The following RGS7 variants were observed in gnomAD, a reference collection of about 807,000 sequenced individuals.
RGS7 encodes the protein regulator of G-protein signaling 7.
In RGS7, 27 loss-of-function variants were observed where a neutral mutation model predicts 81.1. The observed-to-expected ratio is 0.33, with a 90% confidence interval of 0.25 to 0.46. RGS7 has a LOEUF of 0.46. Ranked by LOEUF, RGS7 falls within the 20% of genes least tolerant of loss-of-function variation. The pLI, the probability that RGS7 is intolerant of heterozygous loss-of-function variation, is 1.00. For missense variants in RGS7, 396 were observed against 607.4 expected, an observed-to-expected ratio of 0.65 and a Z score of 3.66; for synonymous variants, 208 against 207.7, an observed-to-expected ratio of 1.00 and a Z score of -0.01.
chr1:240,843,722 C>T (rs1422343599), intron 9 of RGS7, among the ~76,000 whole-genome samples: 1 of 152,106 alleles, frequency 6.6e-6, no homozygotes, highest in Non-Finnish European at 1.5e-5. Context: ...AGAGGATTTG[C>T]TATCTTTTAA....
chr1:241,089,210 C>G (rs1435870747), intron 3 of RGS7, among the ~76,000 whole-genome samples: 1 of 149,242 alleles, frequency 6.7e-6, no homozygotes, highest in African/African-American at 2.5e-5. Context: ...ACCAGAGTTG[C>G]CATGGAAAAG....
intron 4 of RGS7, among the ~76,000 whole-genome samples, chr1:240,981,480 A>G (rs1341152415): frequency 2.0e-5 from 3 of 152,280 alleles, no homozygotes; most frequent in Admixed American, 1.3e-4. Flanking sequence ...GTCTTTGCCA[A>G]TCAGTAGTTT....
intron 2 of RGS7, among the ~76,000 whole-genome samples, chr1:241,245,996 C>T (rs563087563): frequency 2.8e-4 from 42 of 151,806 alleles, no homozygotes; most frequent in African/African-American, 9.2e-4. Context: ...CCCAGCTACT[C>T]GGAAGGCTGA....
At chr1:240,935,258 A>G (rs1676431802) in intron 5 of RGS7, among the ~76,000 whole-genome samples, 1 of 151,882 alleles carries the variant, frequency 6.6e-6, no homozygotes, top group African/African-American at 2.4e-5. Context: ...TGTCTACTAC[A>G]TTTTCTGGGA....
chr1:240,860,060 C>A (rs1203621083), intron 9 of RGS7, among the ~76,000 whole-genome samples: 1 of 152,278 alleles, frequency 6.6e-6, no homozygotes, highest in East Asian at 1.9e-4. Flanking sequence ...GGTCTGAGAA[C>A]ATACTTTGTG....
At chr1:241,111,975 G>A (rs375048278) in intron 2 of RGS7, among the ~76,000 whole-genome samples, 3 of 152,242 alleles carry the variant, frequency 2.0e-5, no homozygotes, top group Non-Finnish European at 2.9e-5. Flanking sequence ...ATTCTTTCAA[G>A]GCTGGTACAG....
intron 2 of RGS7, among the ~76,000 whole-genome samples, chr1:241,323,391 A>T (rs902638054): frequency 6.6e-6 from 1 of 152,228 alleles, no homozygotes; most frequent in Non-Finnish European, 1.5e-5. Flanking sequence ...GAGGCCTAAG[A>T]GGAGGAGGCT....
At chr1:241,131,926 A>G (rs2067127819) in intron 2 of RGS7, among the ~76,000 whole-genome samples, 1 of 152,222 alleles carries the variant, frequency 6.6e-6, no homozygotes, top group African/African-American at 2.4e-5. Flanking sequence ...ATCACATTAC[A>G]CATCCCGTTA....
At chr1:241,108,607 A>G (rs914643790) in intron 2 of RGS7, among the ~76,000 whole-genome samples, 2 of 152,170 alleles carry the variant, frequency 1.3e-5, no homozygotes, top group African/African-American at 2.4e-5. Flanking sequence ...CCTCGTGGCT[A>G]ATTTTTATTG....
chr1:241,034,093 A>C (rs577235255), intron 3 of RGS7, among the ~76,000 whole-genome samples: 46 of 152,350 alleles, frequency 3.0e-4, no homozygotes, highest in African/African-American at 7.9e-4. Flanking sequence ...ACAAATATTG[A>C]ATATTGGCTG....
intron 2 of RGS7, among the ~76,000 whole-genome samples, chr1:241,133,383 A>G (rs1025429915): frequency 2.2e-4 from 33 of 152,044 alleles, no homozygotes; most frequent in Admixed American, 1.4e-3. Context: ...GCAAAAAAAA[A>G]AGAAAAGGTC....
chr1:240,971,006 T>A (rs920045460), intron 4 of RGS7, among the ~76,000 whole-genome samples: 1 of 151,302 alleles, frequency 6.6e-6, no homozygotes, highest in East Asian at 1.9e-4. Flanking sequence ...ATAAATAAAA[T>A]AAAAATAAAT....
At chr1:240,887,937 A>G (rs1175726065) in intron 6 of RGS7, among the ~76,000 whole-genome samples, 2 of 152,106 alleles carry the variant, frequency 1.3e-5, no homozygotes, top group African/African-American at 4.8e-5. Context: ...TAGCTTCCCC[A>G]TGTTGCTGGG....
chr1:241,166,658 A>G (rs1031568492), intron 2 of RGS7, among the ~76,000 whole-genome samples: 11 of 152,204 alleles, frequency 7.2e-5, no homozygotes, highest in African/African-American at 2.7e-4. Flanking sequence ...GTACTATCCA[A>G]TAAACCACAT....
intron 9 of RGS7, among the ~76,000 whole-genome samples, chr1:240,831,630 C>CTTTTTTTTTTTTTTTTT (rs767275119): frequency 7.4e-6 from 1 of 135,400 alleles, no homozygotes; most frequent in Non-Finnish European, 1.6e-5. Context: ...TCCAGACATC[C>CTTTTTTTTTTTTTTTTT]TTTTTTTTTT....
intron 2 of RGS7, among the ~76,000 whole-genome samples, chr1:241,262,764 T>C (rs939267473): frequency 3.9e-5 from 6 of 152,206 alleles, no homozygotes; most frequent in Non-Finnish European, 8.8e-5. Flanking sequence ...TTGGTGTTTC[T>C]ACCTGCATTT....
chr1:240,867,966 A>G (rs1663621363), intron 9 of RGS7, among the ~76,000 whole-genome samples: 3 of 150,512 alleles, frequency 2.0e-5, no homozygotes, highest in African/African-American at 7.3e-5. Flanking sequence ...ATGCCACTGT[A>G]CTCCAGCCTG....
chr1:241,088,557 T>C (rs1006864453), intron 3 of RGS7, among the ~76,000 whole-genome samples: 3 of 151,776 alleles, frequency 2.0e-5, no homozygotes, highest in Non-Finnish European at 4.4e-5. Flanking sequence ...AATTACCCCC[T>C]GATTGACGTA....
chr1:240,850,227 AC>A (rs1269560519), intron 9 of RGS7, among the ~76,000 whole-genome samples: 1 of 152,138 alleles, frequency 6.6e-6, no homozygotes, highest in Non-Finnish European at 1.5e-5. Flanking sequence ...GTTTGTGACA[AC>A]CCTGTGTCCA....
Sources: gnomAD v4.1 joint callset for allele counts (sites outside exome capture counted in the v4.1 genomes callset) on GRCh38, gnomAD v4.1.1 for gene constraint, MANE v1.5 for transcripts, NCBI Gene and HGNC (gene_info 2026-07-23, HGNC 2026-07-21) for gene names.